GRM8: variants seen among roughly 807,000 people sequenced by gnomAD.
The protein encoded by GRM8 is metabotropic glutamate receptor 8.
GRM8 carries 47 observed loss-of-function variants against 87.2 expected under a neutral mutation model. That is an observed-to-expected ratio of 0.54 (90% confidence interval 0.43 to 0.69). The LOEUF is 0.69. GRM8 is among the 30% of genes least tolerant of loss of function. The probability of loss-of-function intolerance (pLI) is 0.00; values close to 1 mark genes in which losing one functional copy is unlikely to be tolerated. For missense variants in GRM8, 1,019 were observed against 1,139.2 expected, an observed-to-expected ratio of 0.89 and a Z score of 1.52; for synonymous variants, 396 against 404.5, an observed-to-expected ratio of 0.98 and a Z score of 0.25.
At chr7:126,999,358 A>G (rs560760018) in intron 3 of GRM8, among the ~76,000 whole-genome samples, 76 of 152,048 alleles carry the variant, frequency 5.0e-4, no homozygotes, top group Non-Finnish European at 9.3e-4. Flanking sequence ...ATACTGCACA[A>G]GCACAGGCAA....
At chr7:126,518,112 C>T (rs1289432343) in intron 9 of GRM8, among the ~76,000 whole-genome samples, 1 of 151,914 alleles carries the variant, frequency 6.6e-6, no homozygotes, top group East Asian at 1.9e-4. Flanking sequence ...TCTTTTTTAG[C>T]CATTGAGGCA....
chr7:126,629,742 C>T (rs1801067125), intron 7 of GRM8, among the ~76,000 whole-genome samples: 1 of 152,166 alleles, frequency 6.6e-6, no homozygotes, highest in East Asian at 1.9e-4. Flanking sequence ...AATATTAGGC[C>T]ACTGTGATAG....
intron 9 of GRM8, among the ~76,000 whole-genome samples, chr7:126,531,483 C>A (rs1322875964): frequency 6.6e-6 from 1 of 152,182 alleles, no homozygotes; most frequent in African/African-American, 2.4e-5. Context: ...GCATAACCCC[C>A]AGGTTTTCAA....
chr7:126,708,802 G>A (rs1810810046), intron 7 of GRM8, among the ~76,000 whole-genome samples: 2 of 152,046 alleles, frequency 1.3e-5, no homozygotes, highest in Admixed American at 1.3e-4. Context: ...ACCAGGGGCT[G>A]GAATACTTGG....
At chr7:126,652,278 G>C (rs962505248) in intron 7 of GRM8, among the ~76,000 whole-genome samples, 5 of 152,126 alleles carry the variant, frequency 3.3e-5, no homozygotes, top group African/African-American at 9.7e-5. Context: ...ATTATGTTAC[G>C]TGTAATTATG....
chr7:126,760,271 T>A (rs1380984726), intron 7 of GRM8, among the ~76,000 whole-genome samples: 2 of 152,182 alleles, frequency 1.3e-5, no homozygotes, highest in African/African-American at 4.8e-5. Context: ...ATGGATGAAG[T>A]TGAGTAGGAC....
chr7:126,704,511 T>C (rs1160615137), intron 7 of GRM8, among the ~76,000 whole-genome samples: 3 of 152,092 alleles, frequency 2.0e-5, no homozygotes, highest in Non-Finnish European at 4.4e-5. Flanking sequence ...AACCTTAAAC[T>C]CTGACCACCA....
intron 3 of GRM8, among the ~76,000 whole-genome samples, chr7:127,004,597 A>G (rs1430603229): frequency 6.6e-6 from 1 of 151,602 alleles, no homozygotes; most frequent in Non-Finnish European, 1.5e-5. Context: ...AAATTTATAA[A>G]TGATCATCTG....
At chr7:126,498,108 CATG>C (rs1809053118) in intron 9 of GRM8, among the ~76,000 whole-genome samples, 2 of 151,820 alleles carry the variant, frequency 1.3e-5, no homozygotes, top group Non-Finnish European at 2.9e-5. Flanking sequence ...TAGATAATTT[CATG>C]ATGAGAGGTG....
chr7:126,766,388 C>A (rs923909347), intron 7 of GRM8, among the ~76,000 whole-genome samples: 4 of 152,054 alleles, frequency 2.6e-5, no homozygotes, highest in Non-Finnish European at 5.9e-5. Flanking sequence ...ATCCTGATAT[C>A]TAATTATGTC....
intron 10 of GRM8, among the ~76,000 whole-genome samples, chr7:126,443,232 A>G (rs976718603): frequency 6.6e-6 from 1 of 152,010 alleles, no homozygotes; most frequent in Non-Finnish European, 1.5e-5. Context: ...ATTCATATAT[A>G]TCAACTTTGT....
At chr7:127,191,438 G>T (rs1795023362) in intron 2 of GRM8, among the ~76,000 whole-genome samples, 1 of 151,956 alleles carries the variant, frequency 6.6e-6, no homozygotes, top group Admixed American at 6.6e-5. Flanking sequence ...ATATAAAAGG[G>T]GTCAGTGTTC....
chr7:126,579,868 A>T (rs1273727758), intron 8 of GRM8, among the ~76,000 whole-genome samples: 1 of 152,140 alleles, frequency 6.6e-6, no homozygotes, highest in Non-Finnish European at 1.5e-5. Flanking sequence ...TACTAAGTAA[A>T]TTTTGAAATG....
intron 3 of GRM8, among the ~76,000 whole-genome samples, chr7:126,913,025 A>G (rs1199705719): frequency 6.6e-6 from 1 of 152,230 alleles, no homozygotes; most frequent in Admixed American, 6.5e-5. Context: ...ATCTAAAAGG[A>G]TAAAGAATTA....
chr7:126,529,749 C>A (rs1814508231), intron 9 of GRM8, among the ~76,000 whole-genome samples: 1 of 152,230 alleles, frequency 6.6e-6, no homozygotes, highest in Non-Finnish European at 1.5e-5. Flanking sequence ...TTAGAGATTT[C>A]TGCCATCCTT....
intron 6 of GRM8, among the ~76,000 whole-genome samples, chr7:126,844,981 T>C (rs1383298825): frequency 2.6e-5 from 4 of 152,134 alleles, no homozygotes; most frequent in Non-Finnish European, 4.4e-5. Flanking sequence ...CTATCACAAA[T>C]AGTAAGTGGG....
intron 3 of GRM8, among the ~76,000 whole-genome samples, chr7:126,951,719 T>A (rs1563347961): frequency 6.6e-6 from 1 of 151,864 alleles, no homozygotes; most frequent in Non-Finnish European, 1.5e-5. Flanking sequence ...AGTAAACATA[T>A]CATGGAAAAT....
intron 3 of GRM8, among the ~76,000 whole-genome samples, chr7:126,996,591 C>A (rs1044041395): frequency 6.6e-6 from 1 of 151,708 alleles, no homozygotes; most frequent in African/African-American, 2.4e-5. Context: ...AGACTAAAAA[C>A]AAATAAATGG....
In GRM8 at chr7:126,609,514, A is replaced by G; in HGVS notation, c.1358-16T>C. ...CCAGCACTGCCTATAAAGATTTAGA[A>G]AACAATGTTAATAAAGTTTTAGTAA... is the stretch of plus-strand genomic sequence containing the variant. On this transcript the variant is annotated splice_polypyrimidine_tract_variant and intron_variant, in intron 7 of 10. Transcript: ENST00000339582. 1 of 1,599,348 alleles carries G rather than the reference A, an allele frequency of 6.3e-7. No homozygotes were observed. Among genetic ancestry groups the G allele is most frequent in the Non-Finnish European group, 8.5e-7 (1 of 1,171,256 alleles).
Sources: allele counts gnomAD v4.1 joint callset (sites outside exome capture counted in the v4.1 genomes callset), GRCh38; gene constraint gnomAD v4.1.1; transcripts MANE v1.5; gene names NCBI Gene and HGNC (gene_info 2026-07-23, HGNC 2026-07-21).